Variants in SRGAP3 observed in about 807,000 individuals in gnomAD.
SRGAP3 encodes SLIT-ROBO Rho GTPase-activating protein 3.
A neutral mutation model predicts 121.1 loss-of-function variants in SRGAP3; 39 were observed. The observed-to-expected ratio is 0.32, with a 90% CI of 0.25 to 0.42. The LOEUF (loss-of-function observed/expected upper bound fraction) is 0.42, where lower values mean the gene tolerates loss of function less well. SRGAP3 is among the 10% of genes least tolerant of loss of function. The probability of loss-of-function intolerance (pLI) is 1.00; values close to 1 mark genes in which losing one functional copy is unlikely to be tolerated. For missense variants in SRGAP3, 1,213 were observed against 1,470.6 expected (o/e 0.82, Z 2.86); for synonymous variants, 601 against 570.0 (o/e 1.05, Z -0.77).
At position 9,010,288 on chromosome 3, in the gene SRGAP3, C is replaced by T; in HGVS notation, c.2227+20G>A. On this transcript the variant is annotated intron_variant, in intron 18 of 21. Coordinates refer to ENST00000383836, the MANE Select transcript of SRGAP3 (RefSeq NM_014850.4). ...AGGCCCCAGGAAGAATCCCTTGTCC[C>T]CAGGATCCCCCTCACTCACCTTCAT... The T allele has an allele frequency of 6.2e-7, 1 of 1,614,022 alleles. No individual in the cohort carries two copies. Among genetic ancestry groups the T allele is most frequent in the Non-Finnish European group, 8.5e-7 (1 of 1,179,936 alleles).
chr3:9,234,500 T>C (rs1953333273), intron 1 of SRGAP3, among the ~76,000 whole-genome samples: 1 of 152,144 alleles, frequency 6.6e-6, no homozygotes, highest in South Asian at 2.1e-4. Context: ...AAGAGTCTTC[T>C]CATGTCATTT....
intron 1 of SRGAP3, among the ~76,000 whole-genome samples, chr3:9,352,271 A>ATTT (rs34692815): frequency 4.1e-5 from 5 of 123,442 alleles, no homozygotes; most frequent in East Asian, 2.2e-4. Flanking sequence ...TGTTATGGAC[A>ATTT]TTTTTTTTTT....
At chr3:9,307,844 T>C (rs1955182768) in intron 3 of SRGAP3, among the ~76,000 whole-genome samples, 1 of 152,208 alleles carries the variant, frequency 6.6e-6, no homozygotes, top group Non-Finnish European at 1.5e-5. Context: ...TGCACATTCA[T>C]AAAATGGGGT....
At chr3:9,146,588 T>C (rs868645777) in intron 1 of SRGAP3, among the ~76,000 whole-genome samples, 13 of 152,358 alleles carry the variant, frequency 8.5e-5, no homozygotes, top group Admixed American at 1.3e-4. Flanking sequence ...CCAATTCAGA[T>C]GTCTCATGGG....
At chr3:9,329,588 C>G (rs1025134108) in intron 2 of SRGAP3, among the ~76,000 whole-genome samples, 2 of 152,160 alleles carry the variant, frequency 1.3e-5, no homozygotes, top group Middle Eastern at 3.4e-3. Flanking sequence ...CCCTGAATAA[C>G]AGAAAAGATA....
At chr3:9,068,228 C>A (rs1946521284) in intron 4 of SRGAP3, among the ~76,000 whole-genome samples, 1 of 152,204 alleles carries the variant, frequency 6.6e-6, no homozygotes. Flanking sequence ...GAAAAGAGAG[C>A]CTTTCTATTT....
intron 3 of SRGAP3, among the ~76,000 whole-genome samples, chr3:9,100,117 A>C (rs979801404): frequency 6.6e-6 from 1 of 152,214 alleles, no homozygotes; most frequent in South Asian, 2.1e-4. Context: ...ATGTCAACTT[A>C]ATCTTTCTTA....
intron 1 of SRGAP3, among the ~76,000 whole-genome samples, chr3:9,207,158 T>C (rs1364094121): frequency 1.3e-5 from 2 of 152,170 alleles, no homozygotes; most frequent in East Asian, 3.9e-4. Flanking sequence ...TTCTAACACC[T>C]TGCTTTAAGT....
At chr3:9,055,636 G>A (rs981064721) in intron 8 of SRGAP3, among the ~76,000 whole-genome samples, 8 of 152,176 alleles carry the variant, frequency 5.3e-5, no homozygotes, top group Admixed American at 3.3e-4. Context: ...GCCCTAGGTT[G>A]TTTATTTCAT....
intron 1 of SRGAP3, among the ~76,000 whole-genome samples, chr3:9,211,960 GC>G (rs374249110): frequency 1.2e-4 from 19 of 152,178 alleles, no homozygotes; most frequent in African/African-American, 4.6e-4. Flanking sequence ...ATAGGTGTGA[GC>G]CACCACTCCC....
At chr3:9,246,263 G>A (rs533676123) in intron 1 of SRGAP3, among the ~76,000 whole-genome samples, 80 of 152,316 alleles carry the variant, frequency 5.3e-4, no homozygotes, top group African/African-American at 1.9e-3. Context: ...AAATCTGTCT[G>A]ACTAGGTGGA....
chr3:9,013,631 G>GC (rs1311074809), intron 16 of SRGAP3, 96 bp from the exon 17 acceptor site: 8 of 1,551,274 alleles, frequency 5.2e-6, no homozygotes, highest in Non-Finnish European at 7.1e-6. Flanking sequence ...ATCCAGGAGG[G>GC]TTCCATGTTC....
At chr3:9,324,252 T>C (rs566039931) in intron 3 of SRGAP3, among the ~76,000 whole-genome samples, 1 of 152,028 alleles carries the variant, frequency 6.6e-6, no homozygotes, top group Non-Finnish European at 1.5e-5. Flanking sequence ...GACTCAAACA[T>C]AGAAATACAG....
In SRGAP3 at chr3:8,985,580, G is replaced by A. The variant is rs765625855; in HGVS notation, c.3239C>T (p.Ala1080Val). The A allele has an allele frequency of 4.4e-6, 7 of 1,573,112 alleles. No homozygotes were observed. In the Admixed American group the frequency reaches 1.2e-4, roughly 27 times the overall value. Reference protein sequence around the residue: ...SSSSSGVGSPAVTPTEKMFPN... With the variant: ...SSSSSGVGSPVVTPTEKMFPN... ...GAACATCTTCTCGGTGGGCGTCACG[G>A]CCGGGCTGCCCACGCCCGAGCTGCT... Residue 1080 changes from alanine to valine, a missense_variant, in exon 22 of 22, where the codon GCC becomes GTC. Transcript: ENST00000383836. The surrounding 1 kb of genome is among the most constrained non-coding windows in gnomAD (Gnocchi z 5.1).
At chr3:9,156,480 G>C (rs2125066715) in intron 1 of SRGAP3, among the ~76,000 whole-genome samples, 1 of 152,320 alleles carries the variant, frequency 6.6e-6, no homozygotes, top group South Asian at 2.1e-4. Flanking sequence ...GGGTGGCTTA[G>C]CCAGGTACTG....
At chr3:9,051,745 GCT>G (rs1945590191) in intron 9 of SRGAP3, among the ~76,000 whole-genome samples, 1 of 118,914 alleles carries the variant, frequency 8.4e-6, no homozygotes, top group African/African-American at 3.3e-5. Flanking sequence ...ATGAAGTCTC[GCT>G]CTGTCACCCA....
At chr3:9,052,964 C>T (rs1251284574) in intron 9 of SRGAP3, 63 bp downstream of exon 9, 4 of 1,596,998 alleles carry the variant, frequency 2.5e-6, no homozygotes, top group Non-Finnish European at 3.4e-6. Flanking sequence ...TTGGGTTGCT[C>T]CTGAAAAGTC....
chr3:9,180,664 T>C (rs1337209666), intron 1 of SRGAP3, among the ~76,000 whole-genome samples: 1 of 152,210 alleles, frequency 6.6e-6, no homozygotes, highest in East Asian at 1.9e-4. Flanking sequence ...GTCCTACGTG[T>C]TCTTCAAACC....
chr3:9,189,679 C>T (rs937939175), intron 1 of SRGAP3, among the ~76,000 whole-genome samples: 5 of 152,194 alleles, frequency 3.3e-5, no homozygotes, highest in African/African-American at 4.8e-5. Flanking sequence ...AGTCTGAGAG[C>T]ATGTCTGGGA....
Sources: gnomAD v4.1 joint callset for allele counts (sites outside exome capture counted in the v4.1 genomes callset) on GRCh38, gnomAD v4.1.1 for gene constraint, Gnocchi (gnomAD v3.1) non-coding constraint, MANE v1.5 for transcripts, NCBI Gene and HGNC (gene_info 2026-07-23, HGNC 2026-07-21) for gene names.